The following ABHD17B variants were observed in gnomAD, a reference collection of about 807,000 sequenced individuals.
ABHD17B encodes alpha/beta hydrolase domain-containing protein 17B.
A neutral mutation model predicts 26.2 loss-of-function variants in ABHD17B; 9 were observed. The ratio of observed to expected loss-of-function variants is 0.34; its 90% CI spans 0.21 to 0.60. The LOEUF is 0.60. Ranked by LOEUF, ABHD17B falls within the 20% of genes least tolerant of loss-of-function variation. The pLI, the probability that ABHD17B is intolerant of heterozygous loss-of-function variation, is 0.80. For missense variants in ABHD17B, 224 were observed against 352.1 expected (o/e 0.64, Z 2.91); for synonymous variants, 127 against 122.3 (o/e 1.04, Z -0.25).
Position 71,866,886 on chromosome 9 carries a change from A to AG in ABHD17B, c.767dup (p.Leu257SerfsTer4). The AG allele has an allele frequency of 6.2e-7, 1 of 1,614,190 alleles. No homozygotes were observed. The highest frequency in any genetic ancestry group is 8.5e-7 in the Non-Finnish European group (1 of 1,180,042). On this transcript the variant is annotated frameshift_variant, in exon 4 of 4. Coordinates refer to ENST00000333421, the MANE Select transcript of ABHD17B (RefSeq NM_001025780.3). LOFTEE classifies it high-confidence loss of function. ...TGTGACCTGCTCCTTCAACCCAGAG[A>AG]GGCTCCACAGGTCTTTGGCAACGTT...
At chr9:71,890,604 G>A (rs1248013890) in intron 1 of ABHD17B, among the ~76,000 whole-genome samples, 1 of 151,986 alleles carries the variant, frequency 6.6e-6, no homozygotes. Context: ...CCCATCCAAG[G>A]GGCATGGTAA....
In ABHD17B at chr9:71,865,623, T is replaced by C; in HGVS notation, c.*1164A>G. 2.1e-6 allele frequency: 2 copies of C among 957,520 alleles called. No homozygotes were observed. Among genetic ancestry groups the C allele is most frequent in the Non-Finnish European group, 2.5e-6 (2 of 804,726 alleles). 59.3% of individuals were successfully genotyped at this position (957,520 alleles called of 1,614,324 possible). On this transcript the variant is annotated 3_prime_UTR_variant, in exon 4 of 4. Transcript: ENST00000333421. ...GCTCATGCCTGTAATTCCGACACTT[T>C]GGGAGGCCAAGGGCAGATCATGAGG...
intron 1 of ABHD17B, among the ~76,000 whole-genome samples, chr9:71,889,135 T>C (rs1474241334): frequency 6.6e-6 from 1 of 151,086 alleles, no homozygotes; most frequent in Non-Finnish European, 1.5e-5. Flanking sequence ...GCCAATATAG[T>C]GAAACTCCAT....
At chr9:71,882,583 G>T (rs967141099) in intron 1 of ABHD17B, among the ~76,000 whole-genome samples, 1 of 151,788 alleles carries the variant, frequency 6.6e-6, no homozygotes, top group South Asian at 2.1e-4. Context: ...GCTTGAACTC[G>T]GGAGGCGGAG....
At chr9:71,909,542 A>G (rs1294866842) in intron 1 of ABHD17B, among the ~76,000 whole-genome samples, 3 of 152,242 alleles carry the variant, frequency 2.0e-5, no homozygotes, top group Admixed American at 1.3e-4. Flanking sequence ...CTGTTAATCT[A>G]AACAGATTAA....
At chr9:71,863,543 TAC>T (rs1319738645), downstream of ABHD17B, among the ~76,000 whole-genome samples, 1 of 151,070 alleles carries the variant, frequency 6.6e-6, no homozygotes, top group Non-Finnish European at 1.5e-5. Context: ...CAAACGACCT[TAC>T]ACACAGTACA....
chr9:71,902,411 C>G (rs1043700187), intron 1 of ABHD17B: 8 of 148,818 alleles, frequency 5.4e-5, no homozygotes, highest in African/African-American at 2.0e-4. Flanking sequence ...TCTCATTACC[C>G]CCACCTTCCA....
At chr9:71,896,586 T>G (rs1289107744) in intron 1 of ABHD17B, among the ~76,000 whole-genome samples, 1 of 152,048 alleles carries the variant, frequency 6.6e-6, no homozygotes, top group Non-Finnish European at 1.5e-5. Flanking sequence ...CTTTTCCTAG[T>G]GGAAATGCTG....
rs77004507 is a variant in ABHD17B at position 71,898,288 on chromosome 9, G to A, written c.-4+12346C>T. 8.3e-3 allele frequency among the ~76,000 whole-genome samples: 1,266 copies of A among 152,122 alleles called. 18 individuals carry two copies. Among genetic ancestry groups the A allele is most frequent in the African/African-American group, 0.028 (1,175 of 41,478 alleles). On this transcript the variant is annotated intron_variant, in intron 1 of 3. Transcript: ENST00000333421. ...AAATCCTCCAGGCTAGGAGGATAAT[G>A]TGTAAAGTGAGAAAGAAGAAAAGCA...
Position 71,866,641 on chromosome 9 carries a change from C to T in ABHD17B, c.*146G>A, listed in dbSNP as rs1404120524. ...TTTTAGTTCTGGTAATTAAAACCTT[C>T]ATTAAGTCTGTTAACAAATCATTAC... On this transcript the variant is annotated 3_prime_UTR_variant, in exon 4 of 4. Transcript: ENST00000333421. 4 of 1,445,220 alleles carry T rather than the reference C, an allele frequency of 2.8e-6. No individual in the cohort carries two copies. The highest frequency in any genetic ancestry group is 3.6e-6 in the Non-Finnish European group (4 of 1,103,810). 89.5% of individuals were successfully genotyped at this position (1,445,220 alleles called of 1,614,324 possible). A position where few individuals can be genotyped will look rare whatever the true frequency, so the allele number is the denominator to read the frequency against.
chr9:71,863,912 T>C (rs1825886692), downstream of ABHD17B, among the ~76,000 whole-genome samples: 1 of 152,160 alleles, frequency 6.6e-6, no homozygotes, highest in Non-Finnish European at 1.5e-5. Context: ...AATTTGTAAA[T>C]ATCCTTTCAC....
At chr9:71,900,402 T>A (rs1827097378) in intron 1 of ABHD17B, among the ~76,000 whole-genome samples, 1 of 152,120 alleles carries the variant, frequency 6.6e-6, no homozygotes, top group East Asian at 1.9e-4. Context: ...CGGTGGCTCG[T>A]GCCTGTAATC....
chr9:71,883,584 T>C (rs932408951), intron 1 of ABHD17B, among the ~76,000 whole-genome samples: 1 of 152,150 alleles, frequency 6.6e-6, no homozygotes, highest in Non-Finnish European at 1.5e-5. Context: ...TTTTACACAA[T>C]CCACAAAAGA....
chr9:71,873,953 T>G (rs961202224), intron 2 of ABHD17B, among the ~76,000 whole-genome samples: 1 of 152,226 alleles, frequency 6.6e-6, no homozygotes, highest in African/African-American at 2.4e-5. Flanking sequence ...TATCTTTAAG[T>G]TGTACTTCCC....
At chr9:71,862,550 C>A (rs754387623), downstream of ABHD17B, 1 of 1,585,904 alleles carries the variant, frequency 6.3e-7, no homozygotes, top group Non-Finnish European at 8.6e-7. Flanking sequence ...ATACATAGTA[C>A]CGTCATTGAA....
At chr9:71,895,259 A>G (rs1385265785) in intron 1 of ABHD17B, among the ~76,000 whole-genome samples, 2 of 152,226 alleles carry the variant, frequency 1.3e-5, no homozygotes, top group South Asian at 2.1e-4. Context: ...AAACAGAAAC[A>G]TAGATAAGTT....
chr9:71,866,018 C>CA lies in ABHD17B; in HGVS notation c.*768dup. 1.0e-6 allele frequency: 1 copy of CA among 985,342 alleles called. No homozygotes were observed. Among genetic ancestry groups the CA allele is most frequent in the South Asian group, 4.7e-5 (1 of 21,284 alleles). The allele number at this position is 985,342 out of a possible 1,614,324, so 61.0% of individuals were successfully genotyped here. ...CAGTCAAAATTTAAAACATCGTATA[C>CA]AAAATCATTCTTGAAATCTCTAAAT... On this transcript the variant is annotated 3_prime_UTR_variant, in exon 4 of 4. Coordinates refer to ENST00000333421, the MANE Select transcript of ABHD17B (RefSeq NM_001025780.3).
chr9:71,907,951 A>C (rs1275602783), intron 1 of ABHD17B, among the ~76,000 whole-genome samples: 1 of 152,236 alleles, frequency 6.6e-6, no homozygotes, highest in Non-Finnish European at 1.5e-5. Context: ...CTTGGGCATG[A>C]ACAGGTGTTT....
chr9:71,862,503 T>C (rs1246942276), downstream of ABHD17B: 1 of 1,503,400 alleles, frequency 6.7e-7, no homozygotes, highest in Non-Finnish European at 9.0e-7. Flanking sequence ...CATTGGTATA[T>C]TAATCCAGTT....
Sources: gnomAD v4.1 joint callset for allele counts (sites outside exome capture counted in the v4.1 genomes callset) on GRCh38, gnomAD v4.1.1 for gene constraint, MANE v1.5 for transcripts, NCBI Gene and HGNC (gene_info 2026-07-23, HGNC 2026-07-21) for gene names.